The following MAST4 variants were observed in gnomAD, a reference collection of about 807,000 sequenced individuals.
The protein encoded by MAST4 is microtubule associated serine/threonine kinase family member 4.
In MAST4, 89 loss-of-function variants were observed where a neutral mutation model predicts 162.7. The ratio of observed to expected loss-of-function variants is 0.55; its 90% confidence interval spans 0.46 to 0.65. MAST4 has a LOEUF of 0.65. Among genes scored for constraint, MAST4 ranks in the 30% least tolerant of loss-of-function variants. The pLI, the probability that MAST4 is intolerant of heterozygous loss-of-function variation, is 0.00. For synonymous variants in MAST4, 1,479 were observed against 1,361.1 expected, an observed-to-expected ratio of 1.09 and a Z score of -1.91; for missense variants, 3,153 against 3,374.0, an observed-to-expected ratio of 0.93 and a Z score of 1.62.
chr5:66,648,828 G>A (rs1390696567), intron 1 of MAST4, among the ~76,000 whole-genome samples: 1 of 152,164 alleles, frequency 6.6e-6, no homozygotes, highest in East Asian at 1.9e-4. Context: ...AGTCATACTT[G>A]TAGAATTAGT....
chr5:66,951,389 C>T (rs1338607789), intron 4 of MAST4, among the ~76,000 whole-genome samples: 2 of 152,166 alleles, frequency 1.3e-5, no homozygotes, highest in Non-Finnish European at 2.9e-5. Context: ...GCTTTTGTCA[C>T]ATCTTCTTCT....
At chr5:67,010,333 A>T (rs1429181789) in intron 4 of MAST4, among the ~76,000 whole-genome samples, 1 of 152,202 alleles carries the variant, frequency 6.6e-6, no homozygotes, top group Non-Finnish European at 1.5e-5. Flanking sequence ...CTGTGGGGTG[A>T]TGATGGGAGT....
intron 3 of MAST4, among the ~76,000 whole-genome samples, chr5:66,879,912 C>T (rs888790802): frequency 6.6e-6 from 1 of 152,094 alleles, no homozygotes; most frequent in Non-Finnish European, 1.5e-5. Flanking sequence ...ACCTTTTGAC[C>T]CACCAGTTCT....
Position 67,090,188 on chromosome 5 carries a change from A to T in MAST4, c.790A>T (p.Asn264Tyr). ...AGNSPQDSPR[N>Y]FSPSASAHFS... ...AAATAGCCCTCAAGATAGTCCAAGA[A>T]ATTTCTCCCCCAGTGCCTCAGCCCA... Residue 264 changes from asparagine (N) to tyrosine (Y), a missense_variant, in exon 6 of 29, where the codon AAT becomes TAT. By Grantham distance (143) the Asn-to-Tyr change is moderately radical (BLOSUM62 -2). Coordinates refer to ENST00000403625, the MANE Select transcript of MAST4 (RefSeq NM_001164664.2). 1 of 1,612,798 alleles carries T rather than the reference A, an allele frequency of 6.2e-7. No homozygotes were observed. Among genetic ancestry groups the T allele is most frequent in the Non-Finnish European group, 8.5e-7 (1 of 1,179,230 alleles).
chr5:67,091,700 C>A (rs544170467), intron 6 of MAST4, among the ~76,000 whole-genome samples: 1 of 152,024 alleles, frequency 6.6e-6, no homozygotes, highest in African/African-American at 2.4e-5. Context: ...ACAGAAATCA[C>A]GGTATCTTAA....
chr5:67,012,028 G>C (rs192434091), intron 4 of MAST4, among the ~76,000 whole-genome samples: 51 of 152,340 alleles, frequency 3.3e-4, no homozygotes, highest in Admixed American at 1.9e-3. Flanking sequence ...GTGTGTTTCT[G>C]TGTGTGTCTT....
At chr5:66,602,574 C>G (rs1370579583) in intron 1 of MAST4, among the ~76,000 whole-genome samples, 2 of 151,406 alleles carry the variant, frequency 1.3e-5, no homozygotes, top group African/African-American at 4.9e-5. Context: ...AGATGATAAA[C>G]TGGAAAAAGA....
At chr5:67,071,336 A>C (rs1011892273) in intron 5 of MAST4, among the ~76,000 whole-genome samples, 2 of 152,268 alleles carry the variant, frequency 1.3e-5, no homozygotes, top group African/African-American at 4.8e-5. Context: ...CTGCTAGATA[A>C]TGATGTAATG....
Position 66,829,537 on chromosome 5 carries a change from A to G in MAST4, c.642+40743A>G, listed in dbSNP as rs7729525. On this transcript the variant is annotated intron_variant, in intron 3 of 28. Transcript: ENST00000403625. ...AGAAAACTTGGAAAAAACAACAACA[A>G]CAAAACATCTGCTTGGCAGTTTATA... Among the ~76,000 whole-genome samples the G allele has an allele frequency of 7.1e-3, 1,081 of 152,346 alleles. 9 individuals are homozygous for G. Among genetic ancestry groups the G allele is most frequent in the African/African-American group, 0.024 (1,007 of 41,570 alleles).
At chr5:66,789,590 G>T (rs1359665413) in intron 3 of MAST4, 2 of 340,056 alleles carry the variant, frequency 5.9e-6, no homozygotes, top group South Asian at 2.2e-5. Context: ...TCAGGTTTTT[G>T]CATTCCAGGC....
chr5:67,069,126 A>G (rs1376358478), intron 5 of MAST4, among the ~76,000 whole-genome samples: 1 of 151,942 alleles, frequency 6.6e-6, no homozygotes, highest in African/African-American at 2.4e-5. Context: ...CTGGCATTTA[A>G]TTACATGGAC....
intron 3 of MAST4, among the ~76,000 whole-genome samples, chr5:66,865,351 G>T (rs777642626): frequency 5.3e-5 from 8 of 152,168 alleles, no homozygotes; most frequent in African/African-American, 1.2e-4. Flanking sequence ...TTTAGAATTG[G>T]TTTTTCAGAG....
At chr5:66,910,729 G>GTTTTTTTT (rs796681892) in intron 4 of MAST4, among the ~76,000 whole-genome samples, 10 of 112,814 alleles carry the variant, frequency 8.9e-5, no homozygotes, top group African/African-American at 3.3e-4. Context: ...TACACATGTG[G>GTTTTTTTT]TTTTTTTTTT....
intron 3 of MAST4, among the ~76,000 whole-genome samples, chr5:66,852,291 G>A (rs1163139105): frequency 2.6e-5 from 4 of 152,222 alleles, no homozygotes; most frequent in Admixed American, 1.3e-4. Flanking sequence ...GGGACTACAC[G>A]CATGCACTAC....
chr5:67,101,324 G>A (rs1054324083), intron 8 of MAST4, among the ~76,000 whole-genome samples: 3 of 152,196 alleles, frequency 2.0e-5, no homozygotes, highest in East Asian at 1.9e-4. Flanking sequence ...GGCCAAATGC[G>A]ACTTCTTTTA....
chr5:66,781,452 G>A (rs1754866471), intron 2 of MAST4, among the ~76,000 whole-genome samples: 1 of 152,198 alleles, frequency 6.6e-6, no homozygotes, highest in Admixed American at 6.5e-5. Context: ...CCTGCTCATG[G>A]CACCAATTCA....
rs527412609 is a variant in MAST4 at position 66,873,831 on chromosome 5, CAT to C, written c.643-26119_643-26118del. Among the ~76,000 whole-genome samples, 35 of 152,328 alleles carry C rather than the reference CAT, an allele frequency of 2.3e-4. No homozygotes were observed. In the South Asian group the frequency reaches 6.8e-3, roughly 30 times the overall value. ...TCTCAATCCTAAAAATCTCTCTACA[CAT>C]GTCATTCCTTATTCCTTGCAAAGTA... On this transcript the variant is annotated intron_variant, in intron 3 of 28. Coordinates refer to ENST00000403625, the MANE Select transcript of MAST4 (RefSeq NM_001164664.2).
At chr5:67,030,385 G>A (rs1755159726) in intron 4 of MAST4, among the ~76,000 whole-genome samples, 1 of 152,114 alleles carries the variant, frequency 6.6e-6, no homozygotes, top group South Asian at 2.1e-4. Context: ...GCTCTGAGAT[G>A]ACCATCTGAT....
chr5:66,911,558 A>ACCCCCC (rs59771853), intron 4 of MAST4, among the ~76,000 whole-genome samples: 4 of 18,094 alleles, frequency 2.2e-4, no homozygotes, highest in Non-Finnish European at 3.2e-4. Context: ...AACAACAACA[A>ACCCCCC]CCCCCCCCCC....
Sources: gnomAD v4.1 joint callset for allele counts (sites outside exome capture counted in the v4.1 genomes callset) on GRCh38, gnomAD v4.1.1 for gene constraint, MANE v1.5 for transcripts, NCBI Gene and HGNC (gene_info 2026-07-23, HGNC 2026-07-21) for gene names.